RIMS2: variants seen among roughly 807,000 people sequenced by gnomAD.
RIMS2 encodes the protein regulating synaptic membrane exocytosis protein 2.
In RIMS2, 59 loss-of-function variants were observed where a neutral mutation model predicts 174.4. The ratio of observed to expected loss-of-function variants is 0.34; its 90% CI spans 0.27 to 0.42. The LOEUF is 0.42. Among genes scored for constraint, RIMS2 ranks in the 10% least tolerant of loss-of-function variants. The pLI, the probability that RIMS2 is intolerant of heterozygous loss-of-function variation, is 1.00. For missense variants in RIMS2, 1,620 were observed against 1,666.3 expected (o/e 0.97, Z 0.48); for synonymous variants, 606 against 572.5 (o/e 1.06, Z -0.84).
At position 103,677,211 on chromosome 8, in the gene RIMS2, C is replaced by T. The variant is rs376779655; in HGVS notation, c.177-19875C>T. ...GAATCTTGGCTTTGCCTCTCAGATC[C>T]GCTTGATCAACTTAGCCAATGATTT... On this transcript the variant is annotated intron_variant, in intron 1 of 23. Coordinates refer to ENST00000504942, the Ensembl canonical transcript of RIMS2. 5.3e-5 allele frequency among the ~76,000 whole-genome samples: 8 copies of T among 151,788 alleles called. No homozygotes were observed. The South Asian group carries it at 6.2e-4, about 12-fold the overall frequency.
At position 104,221,560 on chromosome 8, in the gene RIMS2, G is replaced by A. The variant is rs202135325; in HGVS notation, c.3335-23356G>A. Reference sequence around the variant, plus strand: ...AGAGTTGTCTGGTTTTATCAATGTTGTTTTGAAATGCTGATATTTGAGGAA... The same window carrying A: ...AGAGTTGTCTGGTTTTATCAATGTTATTTTGAAATGCTGATATTTGAGGAA... On this transcript the variant is annotated intron_variant, in intron 19 of 23. Transcript: ENST00000504942. Among the ~76,000 whole-genome samples, 34 of 152,182 alleles carry A rather than the reference G, an allele frequency of 2.2e-4. No homozygotes were observed. In the East Asian group the frequency reaches 6.4e-3, roughly 29 times the overall value.
chr8:103,913,223 C>A (rs550356095), intron 6 of RIMS2, among the ~76,000 whole-genome samples: 6 of 151,800 alleles, frequency 4.0e-5, no homozygotes, highest in African/African-American at 1.4e-4. Flanking sequence ...TGTGATCCGC[C>A]CACCATGACC....
At chr8:104,137,761 A>G (rs2098533168) in intron 19 of RIMS2, among the ~76,000 whole-genome samples, 1 of 152,204 alleles carries the variant, frequency 6.6e-6, no homozygotes, top group South Asian at 2.1e-4. Flanking sequence ...CTACGTTAGA[A>G]AAAAATGATT....
At chr8:103,908,276 C>T (rs1409532879) in intron 4 of RIMS2, among the ~76,000 whole-genome samples, 4 of 152,088 alleles carry the variant, frequency 2.6e-5, no homozygotes, top group African/African-American at 4.8e-5. Flanking sequence ...CTCTTGACCT[C>T]GTGATCCGTC....
intron 19 of RIMS2, among the ~76,000 whole-genome samples, chr8:104,046,570 T>C (rs1385431559): frequency 6.6e-6 from 1 of 152,112 alleles, no homozygotes. Context: ...TATATGTGCA[T>C]GTACGGACAC....
intron 17 of RIMS2, among the ~76,000 whole-genome samples, chr8:104,001,803 C>A (rs988114672): frequency 5.3e-5 from 8 of 151,902 alleles, no homozygotes; most frequent in East Asian, 1.9e-4. Flanking sequence ...TGTAATGTTT[C>A]GTGATTGTTA....
intron 19 of RIMS2, among the ~76,000 whole-genome samples, chr8:104,083,582 C>G (rs1328705894): frequency 6.6e-6 from 1 of 152,178 alleles, no homozygotes; most frequent in Non-Finnish European, 1.5e-5. Flanking sequence ...TTCTTTATGA[C>G]TTTTCTTAAT....
chr8:103,908,063 G>C (rs2074865030), intron 4 of RIMS2, among the ~76,000 whole-genome samples: 1 of 147,160 alleles, frequency 6.8e-6, no homozygotes, highest in Non-Finnish European at 1.5e-5. Context: ...TTTCTTTCTT[G>C]AGACAGTCTC....
At chr8:103,598,709 G>C (rs994097417) in intron 1 of RIMS2, among the ~76,000 whole-genome samples, 1 of 152,102 alleles carries the variant, frequency 6.6e-6, no homozygotes, top group African/African-American at 2.4e-5. Flanking sequence ...GGCAAGTCTT[G>C]ATCTCAAAGT....
intron 2 of RIMS2, among the ~76,000 whole-genome samples, chr8:103,752,028 G>A (rs71520848): frequency 1.3e-5 from 2 of 151,972 alleles, no homozygotes; most frequent in Admixed American, 6.6e-5. Flanking sequence ...CCTTGCCCAT[G>A]CCTGTGTCCT....
chr8:103,681,239 G>A (rs532565907), intron 1 of RIMS2, among the ~76,000 whole-genome samples: 1 of 152,058 alleles, frequency 6.6e-6, no homozygotes, highest in Non-Finnish European at 1.5e-5. Flanking sequence ...GTAGAATAGG[G>A]ACAATAATAT....
intron 17 of RIMS2, among the ~76,000 whole-genome samples, chr8:104,004,358 A>C (rs1242755563): frequency 6.6e-6 from 1 of 152,172 alleles, no homozygotes; most frequent in African/African-American, 2.4e-5. Flanking sequence ...TGACATAAAG[A>C]ATGAGAAAAG....
chr8:103,890,426 A>G (rs79141625), intron 4 of RIMS2, among the ~76,000 whole-genome samples: 9,649 of 152,116 alleles, frequency 0.063, 329 homozygotes, highest in Non-Finnish European at 0.071. Context: ...GAAATGATTT[A>G]CACATTTTTT....
chr8:103,533,867 G>A (rs1175882379), intron 1 of RIMS2, among the ~76,000 whole-genome samples: 1 of 152,136 alleles, frequency 6.6e-6, no homozygotes, highest in Non-Finnish European at 1.5e-5. Context: ...AGTCACTAGT[G>A]TCAACAGTGA....
chr8:104,142,081 A>G (rs1445348732), intron 19 of RIMS2, among the ~76,000 whole-genome samples: 1 of 146,586 alleles, frequency 6.8e-6, no homozygotes, highest in Non-Finnish European at 1.5e-5. Flanking sequence ...ACTACTTTTA[A>G]TTTAATTTAT....
chr8:103,756,979 CTGTG>C (rs71575983), intron 2 of RIMS2, among the ~76,000 whole-genome samples: 10,770 of 134,826 alleles, frequency 0.08, 441 homozygotes, highest in Admixed American at 0.085. Flanking sequence ...GTGTGTGTGT[CTGTG>C]TGTGTGTGTG....
chr8:104,157,617 C>G (rs1475120403), intron 19 of RIMS2, among the ~76,000 whole-genome samples: 4 of 152,150 alleles, frequency 2.6e-5, no homozygotes, highest in East Asian at 1.9e-4. Context: ...TTTGACTGCT[C>G]TAGATATTTC....
rs183101088 is a variant in RIMS2, at chr8:104,185,432, G to A, written c.3335-59484G>A. 1.3e-3 allele frequency among the ~76,000 whole-genome samples: 192 copies of A among 151,636 alleles called. 1 individual carries two copies. The highest frequency in any genetic ancestry group is 2.3e-3 in the Non-Finnish European group (159 of 67,672). Reference sequence around the variant, plus strand: ...TGTTCACCTTTTCTAGGTTTGCCTGGATCAATGGTATCTGTAGCCAAAAAT... The same window carrying A: ...TGTTCACCTTTTCTAGGTTTGCCTGAATCAATGGTATCTGTAGCCAAAAAT... On this transcript the variant is annotated intron_variant, in intron 19 of 23. Transcript: ENST00000504942.
chr8:103,598,725 A>G (rs1368791564), intron 1 of RIMS2, among the ~76,000 whole-genome samples: 1 of 152,186 alleles, frequency 6.6e-6, no homozygotes, highest in Non-Finnish European at 1.5e-5. Context: ...AAAGTCTTCC[A>G]AACCAAGAGC....
Sources: allele counts gnomAD v4.1 joint callset (sites outside exome capture counted in the v4.1 genomes callset), GRCh38; gene constraint gnomAD v4.1.1; transcripts MANE v1.5; gene names NCBI Gene and HGNC (gene_info 2026-07-23, HGNC 2026-07-21).